FAAH2: variants seen among roughly 807,000 people sequenced by gnomAD.
FAAH2 encodes fatty acid amide hydrolase 2, also known as fatty-acid amide hydrolase 2.
A neutral mutation model predicts 36.9 loss-of-function variants in FAAH2; 60 were observed. That is an observed-to-expected ratio of 1.63 (90% confidence interval 1.32 to 2.02). The LOEUF is 2.02. FAAH2 is among the 30% of genes most tolerant of loss of function. FAAH2 has a pLI of 0.00. For synonymous variants in FAAH2, 214 were observed against 143.8 expected (o/e 1.49, Z -3.49); for missense variants, 689 against 397.5 (o/e 1.73, Z -6.23).
At chrX:57,157,056 G>T in the FAAH2 span, among the ~76,000 whole-genome samples, 1 of 112,263 alleles carries the variant, frequency 8.9e-6, no homozygotes, top group Non-Finnish European at 1.9e-5. Context: ...CAAAATTCTG[G>T]AATTGGAAGC....
At chrX:57,280,546 T>A in the FAAH2 span, among the ~76,000 whole-genome samples, 1 of 96,116 alleles carries the variant, frequency 1.0e-5, no homozygotes, top group Non-Finnish European at 2.0e-5. Flanking sequence ...AAAAAAAAAA[T>A]GGTGACTGTA....
chrX:57,394,076 G>A (rs1291188184), intron 7 of FAAH2: 6 of 724,625 alleles, frequency 8.3e-6, no homozygotes, highest in Non-Finnish European at 1.3e-5. Flanking sequence ...AATAGCCGCA[G>A]CAACAAGGTT....
At chrX:57,369,735 T>A (rs1052041748) in intron 5 of FAAH2, among the ~76,000 whole-genome samples, 1 of 112,049 alleles carries the variant, frequency 8.9e-6, no homozygotes, top group Non-Finnish European at 1.9e-5. Flanking sequence ...GAAGTAAACA[T>A]ATAGTTACTA....
chrX:57,184,122 G>A, the FAAH2 span, among the ~76,000 whole-genome samples: 1 of 111,091 alleles, frequency 9.0e-6, no homozygotes, highest in African/African-American at 3.3e-5. Context: ...GACAATACAT[G>A]CACCACTGAA....
At chrX:57,390,862 T>G (rs915284294) in intron 7 of FAAH2, among the ~76,000 whole-genome samples, 8 of 111,601 alleles carry the variant, frequency 7.2e-5, no homozygotes, top group African/African-American at 2.6e-4. Context: ...AATGCAGTGC[T>G]GAATGGTAGC....
At chrX:57,324,298 A>G (rs1474781404) in intron 3 of FAAH2, among the ~76,000 whole-genome samples, 4 of 111,263 alleles carry the variant, frequency 3.6e-5, no homozygotes, top group Admixed American at 9.6e-5. Flanking sequence ...TGTTCTTTTG[A>G]CTTAGGATTG....
intron 7 of FAAH2, 124 bp from the exon 8 acceptor site, chrX:57,431,794 T>TTTTTTTTTTTGGTGTTTCCA: frequency 5.0e-6 from 2 of 398,429 alleles, no homozygotes; most frequent in Non-Finnish European, 7.1e-6. Context: ...TTTGTTTTTT[T>TTTTTTTTTTTGGTGTTTCCA]TGGTGTTTCC....
At chrX:57,396,375 G>GTTT (rs151133925) in intron 7 of FAAH2, among the ~76,000 whole-genome samples, 2 of 84,174 alleles carry the variant, frequency 2.4e-5, no homozygotes, top group African/African-American at 4.3e-5. Context: ...TAGGTTTAGT[G>GTTT]TTTTTTTTTT....
the FAAH2 span, among the ~76,000 whole-genome samples, chrX:57,153,720 GCTGAGAAATTTT>G: frequency 8.9e-6 from 1 of 112,484 alleles, no homozygotes; most frequent in African/African-American, 3.2e-5. Flanking sequence ...TAGAGTTTCT[GCTGAGAAATTTT>G]CTGTTAATCT....
chrX:57,265,952 G>T, the FAAH2 span, among the ~76,000 whole-genome samples: 1 of 111,638 alleles, frequency 9.0e-6, no homozygotes, highest in African/African-American at 3.3e-5. Context: ...GCTGACAGAG[G>T]TTTCAGACCT....
At chrX:57,333,461 T>A (rs1441765137) in intron 4 of FAAH2, among the ~76,000 whole-genome samples, 1 of 111,888 alleles carries the variant, frequency 8.9e-6, no homozygotes, top group Admixed American at 9.5e-5. Flanking sequence ...GATATTGAAA[T>A]TATCAGACTG....
chrX:57,173,783 G>T, the FAAH2 span, among the ~76,000 whole-genome samples: 1 of 111,618 alleles, frequency 9.0e-6, no homozygotes, highest in Non-Finnish European at 1.9e-5. Flanking sequence ...CTAAAGAAAT[G>T]CTAGATATTA....
the FAAH2 span, among the ~76,000 whole-genome samples, chrX:57,125,262 T>C: frequency 8.8e-6 from 1 of 112,996 alleles, no homozygotes; most frequent in African/African-American, 3.2e-5. Flanking sequence ...GTTGAGATAA[T>C]CATGTGGTTT....
intron 1 of FAAH2, 118 bp downstream of exon 1, chrX:57,287,135 G>T: frequency 1.4e-6 from 1 of 725,022 alleles, no homozygotes. Flanking sequence ...ACTTAGGAGA[G>T]GCATTTATTG....
At chrX:57,477,401 C>T (rs750689066) in intron 10 of FAAH2, among the ~76,000 whole-genome samples, 44 of 110,712 alleles carry the variant, frequency 4.0e-4, no homozygotes, top group Admixed American at 3.4e-3. Context: ...AGAAAAAAAT[C>T]TGGACTACTA....
chrX:57,288,974 T>C (rs1462098767), intron 1 of FAAH2, among the ~76,000 whole-genome samples: 1 of 111,397 alleles, frequency 9.0e-6, no homozygotes, highest in African/African-American at 3.3e-5. Context: ...CCTTAGTTTC[T>C]GACATTTTTA....
At chrX:57,487,500 A>G (rs1398835213) in intron 10 of FAAH2, among the ~76,000 whole-genome samples, 1 of 111,796 alleles carries the variant, frequency 8.9e-6, no homozygotes, top group Non-Finnish European at 1.9e-5. Context: ...AAAACATACT[A>G]ATTGCCCATA....
intron 2 of FAAH2, among the ~76,000 whole-genome samples, chrX:57,301,548 C>A (rs950862690): frequency 1.9e-5 from 2 of 107,096 alleles, no homozygotes; most frequent in Non-Finnish European, 3.8e-5. Context: ...ACCAACATGG[C>A]GCATGTATAC....
chrX:57,466,278 G>C (rs1450788664), intron 10 of FAAH2, among the ~76,000 whole-genome samples: 1 of 105,446 alleles, frequency 9.5e-6, no homozygotes, highest in East Asian at 2.9e-4. Context: ...CTGTAAATTA[G>C]TTAATAGATT....
Sources: gnomAD v4.1 joint callset for allele counts (sites outside exome capture counted in the v4.1 genomes callset) on GRCh38, gnomAD v4.1.1 for gene constraint, MANE v1.5 for transcripts, NCBI Gene and HGNC (gene_info 2026-07-23, HGNC 2026-07-21) for gene names.